The following MCTP1 variants were observed in gnomAD, a reference collection of about 807,000 sequenced individuals.
The protein encoded by MCTP1 is multiple C2 and transmembrane domain-containing protein 1.
Under a neutral mutation model 120.6 loss-of-function variants are expected in MCTP1, and 69 were observed. The ratio of observed to expected loss-of-function variants is 0.57; its 90% CI spans 0.47 to 0.70. The LOEUF (loss-of-function observed/expected upper bound fraction) is 0.70. Ranked by LOEUF, MCTP1 falls within the 30% of genes least tolerant of loss-of-function variation. The pLI is 0.00. For synonymous variants in MCTP1, 529 were observed against 493.1 expected, an observed-to-expected ratio of 1.07 and a Z score of -0.96; for missense variants, 1,203 against 1,248.8, an observed-to-expected ratio of 0.96 and a Z score of 0.55.
Position 94,768,456 on chromosome 5 carries a change from G to A in MCTP1, c.2610+10654C>T, listed in dbSNP as rs146135661. ...GCACAGCAAAGGAAATAATAAGAACGAAGAAACAGCTCTCTTTTGCAACTA... is the reference window on the plus strand; with the variant it reads ...GCACAGCAAAGGAAATAATAAGAACAAAGAAACAGCTCTCTTTTGCAACTA... On this transcript the variant is annotated intron_variant, in intron 19 of 22. Coordinates refer to ENST00000515393, the MANE Select transcript of MCTP1 (RefSeq NM_024717.7). 2.9e-3 allele frequency among the ~76,000 whole-genome samples: 437 copies of A among 151,568 alleles called. 2 individuals are homozygous for A. The highest frequency in any genetic ancestry group is 0.01 in the African/African-American group (416 of 41,440).
chr5:95,091,636 T>C (rs555868936), intron 1 of MCTP1, among the ~76,000 whole-genome samples: 1 of 151,358 alleles, frequency 6.6e-6, no homozygotes, highest in Non-Finnish European at 1.5e-5. Context: ...GAGGGAGGAG[T>C]CTGGACAGTC....
At chr5:94,760,492 G>A (rs1395408303) in intron 19 of MCTP1, among the ~76,000 whole-genome samples, 1 of 152,174 alleles carries the variant, frequency 6.6e-6, no homozygotes, top group Non-Finnish European at 1.5e-5. Flanking sequence ...GAATACAGAT[G>A]CTGTCCTCTT....
intron 11 of MCTP1, among the ~76,000 whole-genome samples, chr5:94,891,156 AAG>A (rs770930395): frequency 1.1e-4 from 16 of 151,720 alleles, no homozygotes; most frequent in Non-Finnish European, 2.1e-4. Flanking sequence ...AACTTTTTAT[AAG>A]AGTGTTTAGC....
intron 2 of MCTP1, among the ~76,000 whole-genome samples, chr5:94,982,509 G>A (rs888297360): frequency 1.3e-5 from 2 of 152,100 alleles, no homozygotes; most frequent in African/African-American, 4.8e-5. Flanking sequence ...GACTGAATAT[G>A]ATGAAATTTC....
intron 17 of MCTP1, among the ~76,000 whole-genome samples, chr5:94,863,823 C>CT (rs11294782): frequency 1.4e-4 from 21 of 148,638 alleles, no homozygotes; most frequent in Admixed American, 2.7e-4. Flanking sequence ...GCTTCCTCCA[C>CT]TTTTTTTTTT....
chr5:94,783,477 A>G (rs1777001014), intron 18 of MCTP1, among the ~76,000 whole-genome samples: 1 of 152,106 alleles, frequency 6.6e-6, no homozygotes, highest in Admixed American at 6.5e-5. Context: ...ATGTTATTTG[A>G]CTGGAAATGT....
Position 94,843,980 on chromosome 5 carries a change from T to C in MCTP1, c.2436+24353A>G, listed in dbSNP as rs13359229. Among the ~76,000 whole-genome samples the C allele has an allele frequency of 5.1e-3, 776 of 152,200 alleles. 7 individuals carry two copies. The highest frequency in any genetic ancestry group is 0.018 in the African/African-American group (748 of 41,532). ...GGAAGCAGCTGCTCAGGCTGTAGAA[T>C]AGACACCAAGTACCAAAAAGGACTG... On this transcript the variant is annotated intron_variant, in intron 17 of 22. Coordinates refer to ENST00000515393, the MANE Select transcript of MCTP1 (RefSeq NM_024717.7).
chr5:95,072,740 ATTTTTTTTTTT>A (rs11421165), intron 1 of MCTP1, among the ~76,000 whole-genome samples: 1 of 95,280 alleles, frequency 1.0e-5, no homozygotes, highest in Non-Finnish European at 1.9e-5. Flanking sequence ...CTTAGCAACT[ATTTTTTTTTTT>A]TTTTTTTTTT....
At position 95,284,765 on chromosome 5, in the gene MCTP1, C is replaced by T. The variant is rs1335013481; in HGVS notation, c.-190G>A. On this transcript the variant is annotated 5_prime_UTR_variant, in exon 1 of 23. Transcript: ENST00000515393. The surrounding 1 kb of genome is among the most constrained non-coding windows in gnomAD (Gnocchi z 5.2). The stretch of plus-strand genomic sequence containing the variant: ...CAGCTCGGGGGAAAGAAGCGGCCGC[C>T]GCCGCCGAGGCTCTCTGGCCTCGGG... 1.3e-5 allele frequency among the ~76,000 whole-genome samples: 2 copies of T among 152,036 alleles called. No homozygotes were observed. Among genetic ancestry groups the T allele is most frequent in the East Asian group, 1.9e-4 (1 of 5,158 alleles).
At chr5:94,914,160 C>CA (rs1809486696) in intron 8 of MCTP1, among the ~76,000 whole-genome samples, 2 of 152,192 alleles carry the variant, frequency 1.3e-5, no homozygotes, top group Admixed American at 1.3e-4. Flanking sequence ...AATCTGGATT[C>CA]AGCATCAAGC....
At chr5:94,729,418 C>A (rs920018345) in intron 19 of MCTP1, among the ~76,000 whole-genome samples, 1 of 152,140 alleles carries the variant, frequency 6.6e-6, no homozygotes, top group Non-Finnish European at 1.5e-5. Context: ...AGAGGAGACC[C>A]AGTCACCTAG....
In MCTP1 at chr5:94,799,116, A is replaced by G; in HGVS notation, c.2453T>C (p.Val818Ala). Residue 818 changes from valine to alanine, a missense_variant, in exon 18 of 23, where the codon GTC becomes GCC. Transcript: ENST00000515393. ...TATCATGTAGAGCTCAAAGTTCCAG[A>G]CAACAAAGAGAAAGAGCTGGAGGAG... is the stretch of plus-strand genomic sequence containing the variant. ...LAAFVLFLFV[V>A]WNFELYMIPL... is the part of the protein sequence containing the mutation. 1 of 1,611,852 alleles carries G rather than the reference A, an allele frequency of 6.2e-7. No homozygotes were observed. The highest frequency in any genetic ancestry group is 8.5e-7 in the Non-Finnish European group (1 of 1,178,670).
intron 19 of MCTP1, among the ~76,000 whole-genome samples, chr5:94,726,650 A>G (rs1387111937): frequency 6.6e-6 from 1 of 152,218 alleles, no homozygotes; most frequent in East Asian, 1.9e-4. Context: ...TGGCTTATAA[A>G]GCATTTTTAA....
In MCTP1 at chr5:94,714,203, G is replaced by A. The variant is rs546800655; in HGVS notation, c.2720+574C>T. Among the ~76,000 whole-genome samples, 31 of 152,162 alleles carry A rather than the reference G, an allele frequency of 2.0e-4. 1 individual carries two copies. Among genetic ancestry groups the A allele is most frequent in the African/African-American group, 7.2e-4 (30 of 41,554 alleles). ...ATTTATTTTATTTTAAAAAGTTAAG[G>A]AAAAGGGATTCTGTTTTTATAATTT... On this transcript the variant is annotated intron_variant, in intron 20 of 22. Coordinates refer to ENST00000515393, the MANE Select transcript of MCTP1 (RefSeq NM_024717.7).
chr5:95,074,802 A>T (rs1582168081), intron 1 of MCTP1, among the ~76,000 whole-genome samples: 2 of 152,370 alleles, frequency 1.3e-5, no homozygotes, highest in Admixed American at 1.3e-4. Flanking sequence ...AATTAGGTCA[A>T]GCTTAAATTG....
intron 19 of MCTP1, among the ~76,000 whole-genome samples, chr5:94,728,984 G>T (rs577908742): frequency 4.3e-4 from 65 of 152,322 alleles, no homozygotes; most frequent in African/African-American, 1.5e-3. Flanking sequence ...TGATAAGCAA[G>T]ATAGCACCAA....
chr5:95,030,746 C>T (rs67002726), intron 1 of MCTP1, among the ~76,000 whole-genome samples: 10,177 of 152,194 alleles, frequency 0.067, 359 homozygotes, highest in Middle Eastern at 0.099. Context: ...AAAACTCCAG[C>T]AGTACAAAAA....
At chr5:94,767,105 G>A (rs1305029215) in intron 19 of MCTP1, among the ~76,000 whole-genome samples, 1 of 152,140 alleles carries the variant, frequency 6.6e-6, no homozygotes, top group Non-Finnish European at 1.5e-5. Flanking sequence ...AGGCATGCAA[G>A]GATTGTTCAA....
intron 1 of MCTP1, among the ~76,000 whole-genome samples, chr5:95,019,914 G>A (rs904728075): frequency 3.3e-5 from 5 of 152,162 alleles, no homozygotes; most frequent in Admixed American, 2.6e-4. Flanking sequence ...GTGTATACGT[G>A]GGTCTAATTA....
Sources: allele counts gnomAD v4.1 joint callset (sites outside exome capture counted in the v4.1 genomes callset), GRCh38; gene constraint gnomAD v4.1.1; non-coding constraint Gnocchi (gnomAD v3.1); transcripts MANE v1.5; gene names NCBI Gene and HGNC (gene_info 2026-07-23, HGNC 2026-07-21).